The following MYO3B variants were observed in gnomAD, a reference collection of about 807,000 sequenced individuals.
MYO3B encodes the protein myosin-IIIb.
In MYO3B, 156 loss-of-function variants were observed where a neutral mutation model predicts 174.6. The observed-to-expected ratio is 0.89, with a 90% CI of 0.78 to 1.02. The LOEUF is 1.02. Ranked by LOEUF, MYO3B falls within the 50% of genes least tolerant of loss-of-function variation. MYO3B has a pLI of 0.00. For synonymous variants in MYO3B, 563 were observed against 569.1 expected, an observed-to-expected ratio of 0.99 and a Z score of 0.15; for missense variants, 1,632 against 1,639.4, an observed-to-expected ratio of 1.00 and a Z score of 0.08.
intron 7 of MYO3B, among the ~76,000 whole-genome samples, chr2:170,310,378 C>A (rs2105467325): frequency 6.6e-6 from 1 of 152,168 alleles, no homozygotes; most frequent in South Asian, 2.1e-4. Context: ...AAGAAATACA[C>A]TGGGCTGTGC....
At chr2:170,602,259 AGTCACCCAGTGCCC>A in intron 32 of MYO3B, 1 of 808,462 alleles carries the variant, frequency 1.2e-6, no homozygotes, top group South Asian at 1.4e-5. Flanking sequence ...CGAGGCACAC[AGTCACCCAGTGCCC>A]GTCCGGCTCT....
At chr2:170,340,458 C>T (rs1260166617) in intron 8 of MYO3B, 7 of 152,136 alleles carry the variant, frequency 4.6e-5, no homozygotes, top group Non-Finnish European at 1.0e-4. Flanking sequence ...AATATCTTTT[C>T]ATCACCTACT....
Position 170,391,628 on chromosome 2 carries a change from A to AG in MYO3B, c.1676+16dup, listed in dbSNP as rs748069478. ...AGGAAAAACCTCCTAGGTAAGTGTC[A>AG]GGGGGGTTGGTTGTTAATTTTTGAT... On this transcript the variant is annotated intron_variant, in intron 15 of 34. Transcript: ENST00000408978. 3 of 1,490,660 alleles carry AG rather than the reference A, an allele frequency of 2.0e-6. No individual in the cohort carries two copies. The highest frequency in any genetic ancestry group is 1.2e-5 in the South Asian group (1 of 81,356). The allele number at this position is 1,490,660 out of a possible 1,614,324, so 92.3% of individuals were successfully genotyped here.
intron 1 of MYO3B, among the ~76,000 whole-genome samples, chr2:170,195,611 A>T (rs116238367): frequency 0.033 from 5,046 of 152,218 alleles, 296 homozygotes; most frequent in African/African-American, 0.12. Flanking sequence ...TGAGCTTGTT[A>T]ACACTTAAGC....
chr2:170,508,028 A>T (rs1360615233), intron 28 of MYO3B, among the ~76,000 whole-genome samples: 1 of 152,228 alleles, frequency 6.6e-6, no homozygotes, highest in Non-Finnish European at 1.5e-5. Context: ...ACAGAGAGGA[A>T]GCTGCAAAGT....
intron 32 of MYO3B, among the ~76,000 whole-genome samples, chr2:170,572,055 G>A (rs1275280726): frequency 6.6e-6 from 1 of 152,168 alleles, no homozygotes; most frequent in Non-Finnish European, 1.5e-5. Flanking sequence ...CTCACCTCCT[G>A]TAATCCCAGC....
At chr2:170,216,833 T>A (rs1377970909) in intron 5 of MYO3B, among the ~76,000 whole-genome samples, 1 of 152,178 alleles carries the variant, frequency 6.6e-6, no homozygotes, top group Non-Finnish European at 1.5e-5. Context: ...TTGATCCTAG[T>A]TGTTGATATT....
At chr2:170,272,416 T>A (rs2093432051) in intron 7 of MYO3B, among the ~76,000 whole-genome samples, 1 of 152,118 alleles carries the variant, frequency 6.6e-6, no homozygotes, top group South Asian at 2.1e-4. Flanking sequence ...AGTTAACCTG[T>A]CCAATCCATT....
intron 7 of MYO3B, among the ~76,000 whole-genome samples, chr2:170,304,991 A>T (rs1408134912): frequency 6.6e-6 from 1 of 150,474 alleles, no homozygotes; most frequent in Non-Finnish European, 1.5e-5. Flanking sequence ...TTTCATGCTT[A>T]TGAATCTCTT....
intron 32 of MYO3B, among the ~76,000 whole-genome samples, chr2:170,610,532 G>A (rs1695073279): frequency 6.6e-6 from 1 of 152,042 alleles, no homozygotes. Context: ...CTCACTATAG[G>A]CCTTTAAAAG....
chr2:170,433,114 C>G (rs949162348), intron 22 of MYO3B, among the ~76,000 whole-genome samples: 1 of 152,058 alleles, frequency 6.6e-6, no homozygotes, highest in African/African-American at 2.4e-5. Context: ...ACATTTTATA[C>G]CATATTTTTA....
intron 9 of MYO3B, among the ~76,000 whole-genome samples, chr2:170,376,847 CTTG>C (rs1260218558): frequency 6.6e-6 from 1 of 152,146 alleles, no homozygotes; most frequent in Non-Finnish European, 1.5e-5. Flanking sequence ...GAGTATATTG[CTTG>C]TTGTTATTAT....
chr2:170,376,219 G>A (rs1441673430), intron 9 of MYO3B, among the ~76,000 whole-genome samples: 4 of 152,088 alleles, frequency 2.6e-5, no homozygotes, highest in African/African-American at 7.2e-5. Context: ...TGTAGTTAAA[G>A]GTATCCAGCT....
intron 7 of MYO3B, among the ~76,000 whole-genome samples, chr2:170,327,736 G>A (rs1482059890): frequency 1.3e-5 from 2 of 151,584 alleles, no homozygotes; most frequent in African/African-American, 4.8e-5. Flanking sequence ...ATTTAATGAC[G>A]GTATAGTATG....
intron 23 of MYO3B, among the ~76,000 whole-genome samples, chr2:170,445,659 G>A (rs996952732): frequency 6.6e-6 from 1 of 150,684 alleles, no homozygotes; most frequent in African/African-American, 2.4e-5. Context: ...TTTTAGACAA[G>A]TTCTCACTCT....
chr2:170,585,926 C>T (rs1046457786), intron 32 of MYO3B, among the ~76,000 whole-genome samples: 3 of 152,150 alleles, frequency 2.0e-5, no homozygotes, highest in Non-Finnish European at 4.4e-5. Flanking sequence ...GGCATGGTGG[C>T]GCGTGCCTGT....
chr2:170,495,667 C>G (rs1211970903), intron 25 of MYO3B, among the ~76,000 whole-genome samples: 1 of 152,110 alleles, frequency 6.6e-6, no homozygotes, highest in South Asian at 2.1e-4. Context: ...CCTCTTATAT[C>G]TTTCAAGGTG....
At chr2:170,385,980 G>A in intron 12 of MYO3B, 1 of 418,736 alleles carries the variant, frequency 2.4e-6, no homozygotes, top group Non-Finnish European at 4.3e-6. Context: ...ATATTGGACA[G>A]ATTAAACAGA....
At chr2:170,178,467 C>T (rs987031485) in intron 1 of MYO3B, among the ~76,000 whole-genome samples, 178 bp downstream of exon 1, 1 of 152,006 alleles carries the variant, frequency 6.6e-6, no homozygotes, top group African/African-American at 2.4e-5. Context: ...TTAGCATTTG[C>T]CTTTTGTCTG....
Sources: allele counts gnomAD v4.1 joint callset (sites outside exome capture counted in the v4.1 genomes callset), GRCh38; gene constraint gnomAD v4.1.1; transcripts MANE v1.5; gene names NCBI Gene and HGNC (gene_info 2026-07-23, HGNC 2026-07-21).